MTMR10: variants seen among roughly 807,000 people sequenced by gnomAD.
MTMR10 encodes myotubularin related protein 10.
Under a neutral mutation model 88.1 loss-of-function variants are expected in MTMR10, and 56 were observed. The observed-to-expected ratio is 0.64, with a 90% CI of 0.51 to 0.79. MTMR10 has a LOEUF of 0.79. Ranked by LOEUF, MTMR10 falls within the 30% of genes least tolerant of loss-of-function variation. The pLI is 0.00. For missense variants in MTMR10, 883 were observed against 924.7 expected, an observed-to-expected ratio of 0.95 and a Z score of 0.58; for synonymous variants, 380 against 340.9, an observed-to-expected ratio of 1.11 and a Z score of -1.26.
At chr15:30,977,996 T>C (rs1204781549) in intron 2 of MTMR10, among the ~76,000 whole-genome samples, 2 of 152,224 alleles carry the variant, frequency 1.3e-5, no homozygotes, top group Non-Finnish European at 2.9e-5. Flanking sequence ...CTCCCTCTCA[T>C]GGCTGGGAGC....
chr15:30,984,118 T>C (rs1404288652), intron 2 of MTMR10, among the ~76,000 whole-genome samples: 1 of 152,214 alleles, frequency 6.6e-6, no homozygotes, highest in East Asian at 1.9e-4. Flanking sequence ...TGGGAAATAC[T>C]GAGAAATGAA....
the MTMR10 span, among the ~76,000 whole-genome samples, chr15:30,919,706 AAAAG>A: frequency 1.3e-5 from 2 of 151,566 alleles, no homozygotes; most frequent in Non-Finnish European, 2.9e-5. Flanking sequence ...AAAAAAAAAA[AAAAG>A]AAAATCATAA....
intron 2 of MTMR10, among the ~76,000 whole-genome samples, chr15:30,980,153 A>AAGC (rs1276150216): frequency 6.6e-6 from 1 of 152,212 alleles, no homozygotes; most frequent in Non-Finnish European, 1.5e-5. Context: ...GTGAGAAGTG[A>AAGC]AGCACCTGAA....
intron 5 of MTMR10, among the ~76,000 whole-genome samples, chr15:30,971,410 C>T (rs1401767116): frequency 6.6e-6 from 1 of 152,162 alleles, no homozygotes; most frequent in African/African-American, 2.4e-5. Context: ...CCAGGAAACA[C>T]TCAAACCTCA....
At chr15:30,937,100 T>C (rs1167358569), downstream of MTMR10, 1 of 1,603,574 alleles carries the variant, frequency 6.2e-7, no homozygotes, top group East Asian at 2.2e-5. Flanking sequence ...ATAACAACTT[T>C]TAAAAATTTC....
intron 2 of MTMR10, among the ~76,000 whole-genome samples, chr15:30,979,840 C>G (rs2030436926): frequency 6.6e-6 from 1 of 152,190 alleles, no homozygotes; most frequent in South Asian, 2.1e-4. Context: ...CTTAATGGGT[C>G]CAACGGATGG....
chr15:30,969,303 G>C (rs1351175514), intron 5 of MTMR10, among the ~76,000 whole-genome samples: 1 of 151,814 alleles, frequency 6.6e-6, no homozygotes, highest in Non-Finnish European at 1.5e-5. Flanking sequence ...GTGGTATCTC[G>C]ATTTCTCAAT....
At chr15:30,959,850 G>A (rs2063377542) in intron 7 of MTMR10, among the ~76,000 whole-genome samples, 1 of 152,142 alleles carries the variant, frequency 6.6e-6, no homozygotes, top group Non-Finnish European at 1.5e-5. Flanking sequence ...GTGAACTAAT[G>A]AGGACTTCAA....
chr15:30,969,594 G>A (rs933827296), intron 5 of MTMR10, among the ~76,000 whole-genome samples: 4 of 152,144 alleles, frequency 2.6e-5, no homozygotes, highest in Non-Finnish European at 5.9e-5. Flanking sequence ...ACCTCTGAGA[G>A]CTTCCTTACA....
the MTMR10 span, chr15:30,925,339 G>T: frequency 1.5e-5 from 24 of 1,556,620 alleles, no homozygotes; most frequent in Non-Finnish European, 2.1e-5. Flanking sequence ...CGTGTACCTG[G>T]TTTTTTTGGA....
chr15:30,932,817 ATTC>A, the MTMR10 span, among the ~76,000 whole-genome samples: 2 of 146,030 alleles, frequency 1.4e-5, no homozygotes, highest in African/African-American at 2.5e-5. Flanking sequence ...GGTTCAAGTG[ATTC>A]TCGTGCCTCA....
intron 2 of MTMR10, among the ~76,000 whole-genome samples, chr15:30,983,761 C>T (rs1299163903): frequency 6.6e-6 from 1 of 152,132 alleles, no homozygotes; most frequent in Non-Finnish European, 1.5e-5. Flanking sequence ...CAAACTGGGA[C>T]AAGCTGGTCA....
chr15:30,926,048 A>AGCATCTTCCACT, the MTMR10 span: 1 of 1,118,096 alleles, frequency 8.9e-7, no homozygotes, highest in Non-Finnish European at 1.3e-6. Context: ...CTCTGCTCAC[A>AGCATCTTCCACT]GTGGAAGATG....
chr15:30,929,779 T>TAA, the MTMR10 span, among the ~76,000 whole-genome samples: 9 of 22,734 alleles, frequency 4.0e-4, 1 homozygote, highest in South Asian at 1.6e-3. Context: ...ATATAATATA[T>TAA]TATATCATAT....
chr15:30,948,640 T>C (rs1289810791), intron 12 of MTMR10, 169 bp from the exon 13 acceptor site: 1 of 637,614 alleles, frequency 1.6e-6, no homozygotes, highest in Non-Finnish European at 2.7e-6. Flanking sequence ...TACAGACTTG[T>C]AGATAAACTA....
chr15:30,987,680 C>CT lies in MTMR10; in HGVS notation c.121+3096dup, dbSNP rs67815309. 2.2e-3 allele frequency among the ~76,000 whole-genome samples: 328 copies of CT among 148,870 alleles called. 12 individuals are homozygous for CT. The South Asian group carries it at 0.068, about 31-fold the overall frequency. Reference sequence around the variant, plus strand: ...AATACCATATCTCTAACAATTAATTCTTTTTTTTTTTATTTTTTTTTTTAA... The same window carrying CT: ...AATACCATATCTCTAACAATTAATTCTTTTTTTTTTTTATTTTTTTTTTTAA... On this transcript the variant is annotated intron_variant, in intron 2 of 15. Coordinates refer to ENST00000435680, the MANE Select transcript of MTMR10 (RefSeq NM_017762.3).
intron 5 of MTMR10, among the ~76,000 whole-genome samples, chr15:30,971,680 A>G (rs1377191001): frequency 6.6e-6 from 1 of 152,186 alleles, no homozygotes; most frequent in Non-Finnish European, 1.5e-5. Flanking sequence ...CTTTATCTAC[A>G]CAGACAGATA....
intron 14 of MTMR10, chr15:30,943,411 C>A (rs981467919): frequency 2.0e-6 from 2 of 984,440 alleles, no homozygotes; most frequent in African/African-American, 1.7e-5. Context: ...TCTATAATTA[C>A]AGTATTTTAC....
At chr15:30,948,622 T>A in intron 12 of MTMR10, 151 bp from the exon 13 acceptor site, 1 of 705,934 alleles carries the variant, frequency 1.4e-6, no homozygotes, top group Non-Finnish European at 2.3e-6. Flanking sequence ...CCAGCAACTC[T>A]AAAATATTAC....
Sources: allele counts gnomAD v4.1 joint callset (sites outside exome capture counted in the v4.1 genomes callset), GRCh38; gene constraint gnomAD v4.1.1; transcripts MANE v1.5; gene names NCBI Gene and HGNC (gene_info 2026-07-23, HGNC 2026-07-21).